DMD: variants seen among roughly 807,000 people sequenced by gnomAD.
DMD encodes the protein dystrophin, also known as mutant dystrophin.
DMD carries 63 observed loss-of-function variants against 330.1 expected under a neutral mutation model. The ratio of observed to expected loss-of-function variants is 0.19; its 90% confidence interval spans 0.16 to 0.24. The LOEUF (loss-of-function observed/expected upper bound fraction) is 0.24. Ranked by LOEUF, DMD falls within the 10% of genes least tolerant of loss-of-function variation. The probability of loss-of-function intolerance (pLI) is 1.00; values close to 1 mark genes in which losing one functional copy is unlikely to be tolerated. For missense variants in DMD, 3,344 were observed against 2,684.1 expected, an observed-to-expected ratio of 1.25 and a Z score of -5.43; for synonymous variants, 1,223 against 959.8, an observed-to-expected ratio of 1.27 and a Z score of -5.07.
At chrX:32,549,940 G>C (rs1194824478) in intron 16 of DMD, among the ~76,000 whole-genome samples, 1 of 112,210 alleles carries the variant, frequency 8.9e-6, no homozygotes, top group African/African-American at 3.2e-5. Context: ...TTCTACCACT[G>C]TCTCCAGTTT....
intron 60 of DMD, among the ~76,000 whole-genome samples, chrX:31,354,876 A>G (rs2058592334): frequency 8.9e-6 from 1 of 111,943 alleles, no homozygotes; most frequent in Admixed American, 9.5e-5. Context: ...TTTGTCAGGC[A>G]CTGAGATAAG....
At chrX:31,968,111 A>C (rs2095367488) in intron 45 of DMD, among the ~76,000 whole-genome samples, 1 of 111,616 alleles carries the variant, frequency 9.0e-6, no homozygotes, top group Non-Finnish European at 1.9e-5. Flanking sequence ...TTTTAAAGCA[A>C]ACTTCAAGTT....
At chrX:32,335,562 A>G (rs1475781902) in intron 41 of DMD, among the ~76,000 whole-genome samples, 1 of 56,365 alleles carries the variant, frequency 1.8e-5, no homozygotes, top group Non-Finnish European at 3.5e-5. Context: ...TATATGTTAT[A>G]TAACATGTTA....
chrX:31,989,652 G>C (rs1016222788), intron 44 of DMD, among the ~76,000 whole-genome samples: 4 of 110,315 alleles, frequency 3.6e-5, no homozygotes, highest in African/African-American at 1.3e-4. Context: ...CTAATACGGG[G>C]AAAAAAACAT....
intron 41 of DMD, among the ~76,000 whole-genome samples, chrX:32,321,169 A>G (rs2148662749): frequency 8.9e-6 from 1 of 111,941 alleles, no homozygotes; most frequent in South Asian, 3.7e-4. Context: ...GCAAATACAG[A>G]CACACAAAAT....
chrX:31,421,047 A>C (rs1360464078), intron 60 of DMD, among the ~76,000 whole-genome samples: 2 of 112,340 alleles, frequency 1.8e-5, no homozygotes, highest in Non-Finnish European at 3.7e-5. Flanking sequence ...TGCAATATTA[A>C]AGCATGAATC....
intron 44 of DMD, among the ~76,000 whole-genome samples, chrX:32,202,587 T>C (rs1274527512): frequency 8.9e-6 from 1 of 112,029 alleles, no homozygotes; most frequent in Non-Finnish European, 1.9e-5. Flanking sequence ...CTTGACCTAG[T>C]GATCTGCCTG....
At chrX:31,432,345 G>A (rs983609710) in intron 60 of DMD, among the ~76,000 whole-genome samples, 4 of 111,456 alleles carry the variant, frequency 3.6e-5, no homozygotes, top group Non-Finnish European at 7.5e-5. Context: ...CCAGCAGGGC[G>A]GAAAGGATTA....
At chrX:32,578,075 C>T (rs2053258303) in intron 13 of DMD, among the ~76,000 whole-genome samples, 1 of 112,056 alleles carries the variant, frequency 8.9e-6, no homozygotes, top group South Asian at 3.7e-4. Context: ...ATGCTGGTTC[C>T]TATCATTGCC....
At chrX:32,935,987 C>T (rs1170531738) in intron 2 of DMD, among the ~76,000 whole-genome samples, 2 of 111,531 alleles carry the variant, frequency 1.8e-5, no homozygotes, top group African/African-American at 6.5e-5. Flanking sequence ...AAGGAAGAGG[C>T]AAGATTTAAA....
chrX:32,596,410 C>T (rs1473562401), intron 12 of DMD, among the ~76,000 whole-genome samples: 2 of 111,593 alleles, frequency 1.8e-5, no homozygotes, highest in Non-Finnish European at 3.8e-5. Context: ...ACACCATCAA[C>T]TTTCATGTTC....
chrX:32,699,086 T>C (rs1369884329), intron 8 of DMD, 26 bp downstream of exon 8: 1 of 1,180,592 alleles, frequency 8.5e-7, no homozygotes, highest in Non-Finnish European at 1.2e-6. Flanking sequence ...ACATCTTGAA[T>C]AGTAGCTGTC....
intron 16 of DMD, among the ~76,000 whole-genome samples, chrX:32,557,527 AC>A (rs1470080054): frequency 2.7e-5 from 3 of 111,657 alleles, no homozygotes; most frequent in Non-Finnish European, 5.7e-5. Flanking sequence ...TGTATATGTA[AC>A]CCTTTGGAGT....
chrX:31,140,426 C>A (rs772145052), intron 76 of DMD, among the ~76,000 whole-genome samples: 1 of 112,327 alleles, frequency 8.9e-6, no homozygotes, highest in African/African-American at 3.2e-5. Flanking sequence ...TAACCAGTTT[C>A]CGACTTGATG....
chrX:32,086,804 T>C (rs149630639), intron 44 of DMD, among the ~76,000 whole-genome samples: 2,112 of 111,011 alleles, frequency 0.019, 25 homozygotes, highest in East Asian at 0.067. Flanking sequence ...AAGAAACACT[T>C]CCAGGTAAAT....
intron 9 of DMD, among the ~76,000 whole-genome samples, chrX:32,697,623 T>G (rs2147575862): frequency 9.0e-6 from 1 of 111,656 alleles, no homozygotes; most frequent in Non-Finnish European, 1.9e-5. Context: ...CCTTAGAGGT[T>G]ATTACATAAT....
chrX:31,739,106 A>G (rs182507423), intron 51 of DMD, among the ~76,000 whole-genome samples: 1 of 112,083 alleles, frequency 8.9e-6, no homozygotes, highest in East Asian at 2.8e-4. Flanking sequence ...TTGGAACATA[A>G]AGAATAAATG....
At chrX:32,357,316 C>T (rs67626720) in intron 37 of DMD, among the ~76,000 whole-genome samples, 23,205 of 110,792 alleles carry the variant, frequency 0.21, 2,482 homozygotes, top group African/African-American at 0.41. Context: ...TAAATATCTC[C>T]GCAGCAGCAG....
chrX:32,477,419 T>A (rs1453665815), intron 21 of DMD, among the ~76,000 whole-genome samples: 1 of 110,817 alleles, frequency 9.0e-6, no homozygotes, highest in Non-Finnish European at 1.9e-5. Context: ...AAAAGAAGTT[T>A]TCTGCACCTT....
Sources: allele counts gnomAD v4.1 joint callset (sites outside exome capture counted in the v4.1 genomes callset), GRCh38; gene constraint gnomAD v4.1.1; transcripts MANE v1.5; gene names NCBI Gene and HGNC (gene_info 2026-07-23, HGNC 2026-07-21).